Variants in CHMP3 observed in about 807,000 individuals in gnomAD.
The protein encoded by CHMP3 is 25.1 protein.
Under a neutral mutation model 27.4 loss-of-function variants are expected in CHMP3, and 8 were observed. That is an observed-to-expected ratio of 0.29 (90% CI 0.17 to 0.53). CHMP3 has a LOEUF of 0.53. Among genes scored for constraint, CHMP3 ranks in the 20% least tolerant of loss-of-function variants. The pLI is 0.96. For synonymous variants in CHMP3, 86 were observed against 85.5 expected (o/e 1.01, Z -0.03); for missense variants, 208 against 271.5 (o/e 0.77, Z 1.64).
intron 3 of CHMP3, among the ~76,000 whole-genome samples, chr2:86,524,149 G>C (rs960826380): frequency 3.3e-5 from 5 of 152,152 alleles, no homozygotes; most frequent in African/African-American, 9.7e-5. Context: ...TAAAGGAACA[G>C]TCTGAGAAAT....
chr2:86,546,371 A>G (rs752461129), intron 1 of CHMP3, among the ~76,000 whole-genome samples: 144 of 97,578 alleles, frequency 1.5e-3, no homozygotes, highest in Non-Finnish European at 1.6e-3. Flanking sequence ...AGGGAGGGGA[A>G]GGGGGGGAGG....
At chr2:86,517,565 C>CAAAAAAA (rs70956116) in intron 3 of CHMP3, among the ~76,000 whole-genome samples, 1 of 90,110 alleles carries the variant, frequency 1.1e-5, no homozygotes, top group Non-Finnish European at 2.1e-5. Context: ...GACTCCGTCT[C>CAAAAAAA]AAAAAAAAAA....
rs1266851070 is a variant in CHMP3 at position 86,503,629 on chromosome 2, A to G, written c.*2175T>C. 6.6e-6 allele frequency: 1 copy of G among 152,238 alleles called. No homozygotes were observed. The highest frequency in any genetic ancestry group is 6.5e-5 in the Admixed American group (1 of 15,282). The allele number at this position is 152,238 out of a possible 1,614,324, so 9.4% of individuals were successfully genotyped here. ...ATTATTCAGTGCTAAAAATAAATGC[A>G]CTATTAAGCCATGAAATGACATGGA... On this transcript the variant is annotated 3_prime_UTR_variant, in exon 6 of 6. Transcript: ENST00000263856.
At chr2:86,554,714 C>G (rs1035862045) in intron 1 of CHMP3, among the ~76,000 whole-genome samples, 15 of 152,110 alleles carry the variant, frequency 9.9e-5, no homozygotes, top group African/African-American at 3.6e-4. Context: ...GAAACTCTCT[C>G]ACAAATACAC....
Position 86,542,287 on chromosome 2 carries a change from C to G in CHMP3, c.71G>C (p.Arg24Thr). ...CCTGTCAACAACTCTCATTTCCTTT[C>G]TTATCTTCAATGACCACTCATTGAC... ...ELVNEWSLKI[R>T]KEMRVVDRQI... The change falls in exon 2 of 6, where the codon AGA becomes ACA. Residue 24 changes from arginine to threonine, a missense_variant. Physicochemically the swap from Arg to Thr is moderately conservative, Grantham distance 71 (BLOSUM62 -1). Coordinates refer to ENST00000263856, the MANE Select transcript of CHMP3 (RefSeq NM_016079.4). 1 of 1,613,492 alleles carries G rather than the reference C, an allele frequency of 6.2e-7. No individual in the cohort carries two copies. The highest frequency in any genetic ancestry group is 8.5e-7 in the Non-Finnish European group (1 of 1,179,618).
At chr2:86,516,545 A>T (rs1675313970) in intron 3 of CHMP3, among the ~76,000 whole-genome samples, 1 of 152,274 alleles carries the variant, frequency 6.6e-6, no homozygotes, top group African/African-American at 2.4e-5. Flanking sequence ...GATCACTCAT[A>T]CATTGGCTGG....
intron 2 of CHMP3, among the ~76,000 whole-genome samples, chr2:86,534,054 A>T (rs1321322208): frequency 1.3e-5 from 2 of 152,078 alleles, no homozygotes; most frequent in Non-Finnish European, 2.9e-5. Context: ...TACCTTATAT[A>T]TCTTTTAAAT....
rs574774742 is a variant in CHMP3, at chr2:86,549,962, T to C, written c.46-7650A>G. Among the ~76,000 whole-genome samples, 7 of 149,318 alleles carry C rather than the reference T, an allele frequency of 4.7e-5. No homozygotes were observed. In the East Asian group the frequency reaches 1.2e-3, roughly 27 times the overall value. On this transcript the variant is annotated intron_variant, in intron 1 of 5. Transcript: ENST00000263856. ...GCGGCTGGGCTGATACGCTCCTCAC[T>C]TCCCAGACGGGGTGGCGGCCGGGCA...
intron 3 of CHMP3, among the ~76,000 whole-genome samples, chr2:86,520,989 C>T (rs1412443762): frequency 6.6e-6 from 1 of 152,210 alleles, no homozygotes; most frequent in African/African-American, 2.4e-5. Context: ...CCCACCCTCA[C>T]TGATCAATGT....
intron 3 of CHMP3, among the ~76,000 whole-genome samples, chr2:86,517,891 C>T (rs941879327): frequency 7.2e-5 from 11 of 151,896 alleles, no homozygotes; most frequent in Admixed American, 3.9e-4. Flanking sequence ...TGAGGTGGCT[C>T]GTGCTTGTAG....
intron 5 of CHMP3, 115 bp downstream of exon 5, chr2:86,507,364 C>T (rs1046735758): frequency 8.4e-6 from 7 of 832,708 alleles, no homozygotes; most frequent in African/African-American, 3.4e-5. Context: ...CAGTGTAAAA[C>T]GTTAAAAATG....
chr2:86,534,704 AATAT>A (rs1280547540), intron 2 of CHMP3, among the ~76,000 whole-genome samples: 3 of 152,154 alleles, frequency 2.0e-5, no homozygotes, highest in Non-Finnish European at 4.4e-5. Context: ...ATCTTTAATT[AATAT>A]ATAATGTCCT....
intron 5 of CHMP3, 146 bp downstream of exon 5, chr2:86,507,333 C>T (rs2104737806): frequency 1.5e-6 from 1 of 660,898 alleles, no homozygotes; most frequent in Non-Finnish European, 2.6e-6. Flanking sequence ...ATTGTGCTTA[C>T]TTTTCAAGAA....
At chr2:86,516,633 CAATGGGTAAATG>C (rs1451616706) in intron 3 of CHMP3, among the ~76,000 whole-genome samples, 1 of 152,254 alleles carries the variant, frequency 6.6e-6, no homozygotes, top group East Asian at 1.9e-4. Flanking sequence ...AGAAGGCCTA[CAATGGGTAAATG>C]GTTAAATAAA....
chr2:86,563,293 G>GT lies in CHMP3; in HGVS notation c.45+10dup. On this transcript the variant is annotated intron_variant, in intron 1 of 5. Transcript: ENST00000263856. The stretch of plus-strand genomic sequence containing the variant: ...ATCCACCCGCTTATCTGCCGCCGCC[G>GT]TAGCCCTTACCAGTTCTTTGGGCGG... 6.2e-7 allele frequency: 1 copy of GT among 1,613,742 alleles called. No homozygotes were observed. Among genetic ancestry groups the GT allele is most frequent in the Non-Finnish European group, 8.5e-7 (1 of 1,179,720 alleles).
chr2:86,543,078 T>C (rs1023926741), intron 1 of CHMP3, among the ~76,000 whole-genome samples: 2 of 152,212 alleles, frequency 1.3e-5, no homozygotes, highest in Non-Finnish European at 2.9e-5. Context: ...ACTCCTTCCA[T>C]TACCATTTTA....
At chr2:86,509,857 T>C (rs1053330186) in intron 4 of CHMP3, among the ~76,000 whole-genome samples, 2 of 152,258 alleles carry the variant, frequency 1.3e-5, no homozygotes, top group African/African-American at 2.4e-5. Context: ...TCTTTATCCC[T>C]GTCCTTGTCT....
rs571643602 is a variant in CHMP3, at chr2:86,508,282, T to G, written c.409-689A>C. 4.6e-5 allele frequency among the ~76,000 whole-genome samples: 7 copies of G among 152,318 alleles called. No individual in the cohort carries two copies. In the East Asian group the frequency reaches 9.7e-4, roughly 21 times the overall value. On this transcript the variant is annotated intron_variant, in intron 4 of 5. Coordinates refer to ENST00000263856, the MANE Select transcript of CHMP3 (RefSeq NM_016079.4). Reference sequence around the variant, plus strand: ...AGCCTCCTCTGTTCTCAAGGCAGCATGGCACCACTGCAGGACACAAGCAAA... The same window carrying G: ...AGCCTCCTCTGTTCTCAAGGCAGCAGGGCACCACTGCAGGACACAAGCAAA...
chr2:86,548,045 A>C (rs1222808665), intron 1 of CHMP3, among the ~76,000 whole-genome samples: 1 of 152,238 alleles, frequency 6.6e-6, no homozygotes, highest in Middle Eastern at 3.2e-3. Flanking sequence ...AAACAAAATG[A>C]TTGAATTCCT....
Sources: allele counts gnomAD v4.1 joint callset (sites outside exome capture counted in the v4.1 genomes callset), GRCh38; gene constraint gnomAD v4.1.1; transcripts MANE v1.5; gene names NCBI Gene and HGNC (gene_info 2026-07-23, HGNC 2026-07-21).